Variants in CTNNA3 observed in about 807,000 individuals in gnomAD.
The protein encoded by CTNNA3 is catenin alpha-3.
In CTNNA3, 76 loss-of-function variants were observed where a neutral mutation model predicts 95.7. The ratio of observed to expected loss-of-function variants is 0.79; its 90% CI spans 0.66 to 0.96. The LOEUF is 0.96. Ranked by LOEUF, CTNNA3 falls within the 40% of genes least tolerant of loss-of-function variation. The probability of loss-of-function intolerance (pLI) is 0.00; values close to 1 mark genes in which losing one functional copy is unlikely to be tolerated. For missense variants in CTNNA3, 1,191 were observed against 1,089.8 expected (o/e 1.09, Z -1.31); for synonymous variants, 431 against 374.4 (o/e 1.15, Z -1.74).
At chr10:67,226,789 T>C (rs143384144) in intron 5 of CTNNA3, among the ~76,000 whole-genome samples, 1,554 of 152,150 alleles carry the variant, frequency 0.01, 17 homozygotes, top group African/African-American at 0.024. Flanking sequence ...GCAGAAATCA[T>C]ACAGGACCTA....
intron 5 of CTNNA3, among the ~76,000 whole-genome samples, chr10:67,440,424 TGAAGG>T (rs1290107924): frequency 6.6e-6 from 1 of 152,148 alleles, no homozygotes; most frequent in East Asian, 1.9e-4. Context: ...CTTTCCACTC[TGAAGG>T]GAAGGACATA....
chr10:66,886,788 C>T (rs769757807), intron 7 of CTNNA3, among the ~76,000 whole-genome samples: 24 of 152,124 alleles, frequency 1.6e-4, no homozygotes, highest in Admixed American at 7.9e-4. Context: ...ATTGTTATTA[C>T]GTCAGAACAT....
chr10:67,423,934 C>G (rs1439587566), intron 5 of CTNNA3, among the ~76,000 whole-genome samples: 1 of 152,160 alleles, frequency 6.6e-6, no homozygotes, highest in African/African-American at 2.4e-5. Context: ...ATCATCTTCC[C>G]TTAGAAATAT....
intron 1 of CTNNA3, among the ~76,000 whole-genome samples, chr10:67,657,184 A>T (rs1840048902): frequency 6.6e-6 from 1 of 152,158 alleles, no homozygotes; most frequent in Non-Finnish European, 1.5e-5. Flanking sequence ...GAGCAACTGG[A>T]AGGATAGAGT....
rs974027074 is a variant in CTNNA3 at position 67,701,489 on chromosome 10, G to T, written c.-1-53975C>A. ...CAATATTCAACACTCTTAAAGAAAA[G>T]AATTTTCAACCCAGAATTTCATATC... is the stretch of plus-strand genomic sequence containing the variant. On this transcript the variant is annotated intron_variant, in intron 1 of 17. Transcript: ENST00000684154. 5.3e-5 allele frequency among the ~76,000 whole-genome samples: 8 copies of T among 152,156 alleles called. No individual in the cohort carries two copies. In the South Asian group the frequency reaches 1.2e-3, roughly 24 times the overall value.
At chr10:66,771,944 G>A (rs1840101873) in intron 8 of CTNNA3, among the ~76,000 whole-genome samples, 1 of 152,078 alleles carries the variant, frequency 6.6e-6, no homozygotes, top group African/African-American at 2.4e-5. Flanking sequence ...AACAGCAAAG[G>A]TTTCATGGAA....
chr10:65,988,417 A>G (rs1394719757), intron 16 of CTNNA3, among the ~76,000 whole-genome samples: 1 of 152,174 alleles, frequency 6.6e-6, no homozygotes, highest in African/African-American at 2.4e-5. Flanking sequence ...TGTAATTACA[A>G]TTGATTAAAA....
intron 14 of CTNNA3, among the ~76,000 whole-genome samples, chr10:66,089,097 G>T (rs937822142): frequency 1.3e-5 from 2 of 151,654 alleles, no homozygotes; most frequent in African/African-American, 2.4e-5. Flanking sequence ...TAAAGTTCGC[G>T]CCCCTTTTCT....
intron 13 of CTNNA3, among the ~76,000 whole-genome samples, chr10:66,239,652 A>G (rs2090015798): frequency 6.6e-6 from 1 of 152,002 alleles, no homozygotes; most frequent in African/African-American, 2.4e-5. Context: ...CATATTTCAT[A>G]TATGTTTTAC....
chr10:67,038,710 G>A (rs1025159988), intron 7 of CTNNA3, among the ~76,000 whole-genome samples: 4 of 152,136 alleles, frequency 2.6e-5, no homozygotes, highest in African/African-American at 9.6e-5. Context: ...AATTAACAGG[G>A]TTAACAGTCC....
intron 10 of CTNNA3, among the ~76,000 whole-genome samples, chr10:66,600,776 T>C (rs1053082882): frequency 6.6e-6 from 1 of 151,986 alleles, no homozygotes; most frequent in African/African-American, 2.4e-5. Context: ...AATTATGAAA[T>C]AGCAAGCCCT....
At position 65,944,897 on chromosome 10, in the gene CTNNA3, TATC is replaced by T. The variant is rs202069322; in HGVS notation, c.2400+21712_2400+21714del. 4.6e-3 allele frequency among the ~76,000 whole-genome samples: 529 copies of T among 114,474 alleles called. 5 individuals carry two copies. The highest frequency in any genetic ancestry group is 5.8e-3 in the Non-Finnish European group (291 of 50,546). The allele number at this position is 114,474 out of a possible 152,430, so 75.1% of individuals were successfully genotyped here. On this transcript the variant is annotated intron_variant, in intron 17 of 17. Transcript: ENST00000433211. ...CTATCTATCTATCTATCTATCTATCTATCATCTATCTATCATCTATTTATCATC... is the reference window on the plus strand; with the variant it reads ...CTATCTATCTATCTATCTATCTATCTATCTATCTATCATCTATTTATCATC...
At chr10:66,728,853 G>T (rs771936180) in intron 9 of CTNNA3, among the ~76,000 whole-genome samples, 4 of 152,152 alleles carry the variant, frequency 2.6e-5, no homozygotes, top group Non-Finnish European at 4.4e-5. Flanking sequence ...CTCCCAAAAT[G>T]CTAAGATTAC....
chr10:67,690,962 C>T (rs1840836105), intron 1 of CTNNA3, among the ~76,000 whole-genome samples: 1 of 152,204 alleles, frequency 6.6e-6, no homozygotes, highest in Non-Finnish European at 1.5e-5. Flanking sequence ...GACGGTACTG[C>T]TGCCATCTCG....
intron 10 of CTNNA3, among the ~76,000 whole-genome samples, chr10:66,569,354 A>G (rs191094016): frequency 3.9e-5 from 6 of 152,296 alleles, no homozygotes; most frequent in African/African-American, 1.4e-4. Context: ...TGGCCCATGT[A>G]AAAAGAGTAT....
At chr10:66,951,477 C>T (rs1041360170) in intron 7 of CTNNA3, among the ~76,000 whole-genome samples, 3 of 152,094 alleles carry the variant, frequency 2.0e-5, no homozygotes, top group Non-Finnish European at 4.4e-5. Context: ...TGTCCCCTAA[C>T]GTATTTAATT....
At chr10:67,688,106 A>C (rs1042308918) in intron 1 of CTNNA3, among the ~76,000 whole-genome samples, 30 of 152,226 alleles carry the variant, frequency 2.0e-4, no homozygotes, top group Non-Finnish European at 4.0e-4. Flanking sequence ...AAGTGAGGTC[A>C]AAGGTTTGCC....
intron 9 of CTNNA3, among the ~76,000 whole-genome samples, chr10:66,630,612 T>C (rs557677501): frequency 1.3e-5 from 2 of 152,268 alleles, no homozygotes; most frequent in East Asian, 3.9e-4. Flanking sequence ...AAGAGCTTCA[T>C]TGTCTATTTC....
rs1343720432 is a variant in CTNNA3, at chr10:67,543,251, T to C, written c.293-3582A>G. The stretch of plus-strand genomic sequence containing the variant: ...TACTAGAGTATATAGTCTACAAATA[T>C]CTATAGAGATAACTTTTACACACCT... On this transcript the variant is annotated intron_variant, in intron 3 of 17. Transcript: ENST00000433211. 2.0e-5 allele frequency among the ~76,000 whole-genome samples: 3 copies of C among 151,890 alleles called. No homozygotes were observed. The East Asian group carries it at 5.8e-4, about 29-fold the overall frequency.
Sources: allele counts gnomAD v4.1 joint callset (sites outside exome capture counted in the v4.1 genomes callset), GRCh38; gene constraint gnomAD v4.1.1; transcripts MANE v1.5; gene names NCBI Gene and HGNC (gene_info 2026-07-23, HGNC 2026-07-21).